The following PROM1 variants were observed in gnomAD, a reference collection of about 807,000 sequenced individuals.
PROM1 encodes prominin-1.
Under a neutral mutation model 116.9 loss-of-function variants are expected in PROM1, and 105 were observed. The ratio of observed to expected loss-of-function variants is 0.90; its 90% confidence interval spans 0.77 to 1.06. PROM1 has a LOEUF of 1.06. Ranked by LOEUF, PROM1 falls within the 50% of genes least tolerant of loss-of-function variation. The probability of loss-of-function intolerance (pLI) is 0.00; values close to 1 mark genes in which losing one functional copy is unlikely to be tolerated. For missense variants in PROM1, 1,122 were observed against 1,045.2 expected (o/e 1.07, Z -1.01); for synonymous variants, 393 against 387.0 (o/e 1.02, Z -0.18).
At chr4:16,044,626 T>C (rs191206040) in intron 2 of PROM1, among the ~76,000 whole-genome samples, 97 of 152,316 alleles carry the variant, frequency 6.4e-4, no homozygotes, top group African/African-American at 2.3e-3. Context: ...GTGAAAGAGA[T>C]TATTCATATT....
At chr4:16,061,319 A>G (rs1740262890) in intron 2 of PROM1, among the ~76,000 whole-genome samples, 1 of 152,222 alleles carries the variant, frequency 6.6e-6, no homozygotes, top group Non-Finnish European at 1.5e-5. Context: ...CCTGAGAGTA[A>G]GGGCTTCTTC....
intron 5 of PROM1, among the ~76,000 whole-genome samples, chr4:16,027,172 G>A (rs1254292876): frequency 6.6e-6 from 1 of 152,090 alleles, no homozygotes; most frequent in Non-Finnish European, 1.5e-5. Context: ...CTTATAATTT[G>A]TCCTAAATTT....
chr4:16,009,288 A>G (rs188737364), intron 11 of PROM1, among the ~76,000 whole-genome samples, 180 bp from the exon 12 acceptor site: 2 of 152,358 alleles, frequency 1.3e-5, no homozygotes, highest in East Asian at 3.8e-4. Context: ...AAAAGCAATT[A>G]CTTAACAAAA....
intron 2 of PROM1, among the ~76,000 whole-genome samples, chr4:16,039,616 T>C (rs982637610): frequency 6.6e-6 from 1 of 151,416 alleles, no homozygotes; most frequent in Non-Finnish European, 1.5e-5. Context: ...CGCATGCCTG[T>C]AATCCCAGCT....
At chr4:16,024,161 A>G (rs1420477562) in intron 7 of PROM1, 134 bp downstream of exon 7, 6 of 767,300 alleles carry the variant, frequency 7.8e-6, no homozygotes, top group Middle Eastern at 2.7e-4. Flanking sequence ...CAAATGACAC[A>G]TTGGCAATAA....
chr4:16,035,087 G>T (rs1210700870), intron 4 of PROM1, among the ~76,000 whole-genome samples: 1 of 152,098 alleles, frequency 6.6e-6, no homozygotes, highest in African/African-American at 2.4e-5. Flanking sequence ...GCTGAATCTT[G>T]CTGGGTTCAT....
At chr4:16,071,370 C>T (rs1307959687) in intron 2 of PROM1, among the ~76,000 whole-genome samples, 1 of 152,218 alleles carries the variant, frequency 6.6e-6, no homozygotes, top group Non-Finnish European at 1.5e-5. Flanking sequence ...TCCTCCAGCT[C>T]TGGTTCTCCC....
intron 24 of PROM1, 121 bp downstream of exon 24, chr4:15,980,301 A>G: frequency 4.6e-6 from 3 of 654,020 alleles, no homozygotes; most frequent in East Asian, 2.9e-5. Flanking sequence ...CCCAACTACT[A>G]CTAAAAAAAA....
chr4:16,043,802 C>T (rs897387169), intron 2 of PROM1, among the ~76,000 whole-genome samples: 32 of 152,312 alleles, frequency 2.1e-4, no homozygotes, highest in Non-Finnish European at 4.3e-4. Context: ...ATTGCTCTGT[C>T]CATAGCTCTG....
At chr4:16,035,868 C>T (rs906733818) in intron 3 of PROM1, 107 bp from the exon 4 acceptor site, 2 of 1,025,890 alleles carry the variant, frequency 1.9e-6, no homozygotes, top group Non-Finnish European at 3.0e-6. Context: ...CATTCATATC[C>T]CACAAGGAGG....
intron 1 of PROM1, among the ~76,000 whole-genome samples, chr4:16,081,241 G>A (rs1276376996): frequency 6.6e-6 from 1 of 151,990 alleles, no homozygotes; most frequent in Non-Finnish European, 1.5e-5. Flanking sequence ...AGGCCCCGGT[G>A]TGTGATGTTC....
intron 14 of PROM1, among the ~76,000 whole-genome samples, chr4:15,998,944 G>A (rs141869301): frequency 1.4e-4 from 22 of 152,146 alleles, no homozygotes; most frequent in African/African-American, 4.3e-4. Context: ...TGGCCAGGCT[G>A]ATCTTGAATT....
chr4:15,974,393 T>A (rs755578594), intron 26 of PROM1, among the ~76,000 whole-genome samples: 2 of 152,112 alleles, frequency 1.3e-5, no homozygotes, highest in African/African-American at 2.4e-5. Flanking sequence ...TATAATGGAC[T>A]AATTACAGTG....
At chr4:15,980,977 T>TTTATTTA (rs1379968582) in intron 23 of PROM1, among the ~76,000 whole-genome samples, 1 of 49,398 alleles carries the variant, frequency 2.0e-5, no homozygotes, top group African/African-American at 9.7e-5. Flanking sequence ...TTATTTATTA[T>TTTATTTA]TTTAGACAGA....
chr4:16,034,501 G>A (rs1560536282), intron 4 of PROM1, among the ~76,000 whole-genome samples: 3 of 152,058 alleles, frequency 2.0e-5, no homozygotes, highest in Non-Finnish European at 2.9e-5. Flanking sequence ...TGTCTCAGAC[G>A]GTTCCTGAGT....
intron 26 of PROM1, among the ~76,000 whole-genome samples, chr4:15,974,451 C>CA (rs960494147): frequency 3.8e-4 from 57 of 151,560 alleles, no homozygotes; most frequent in Admixed American, 9.9e-4. Flanking sequence ...AAAAAGAGAC[C>CA]AAAAAAAACT....
At chr4:16,062,272 T>A (rs1468699720) in intron 2 of PROM1, among the ~76,000 whole-genome samples, 1 of 152,124 alleles carries the variant, frequency 6.6e-6, no homozygotes, top group Non-Finnish European at 1.5e-5. Flanking sequence ...AGTAACTAAT[T>A]TCATCTGCGA....
chr4:16,010,678 G>A (rs949243300), intron 11 of PROM1, among the ~76,000 whole-genome samples: 2 of 151,610 alleles, frequency 1.3e-5, no homozygotes, highest in Non-Finnish European at 2.9e-5. Flanking sequence ...AATTTTTTAT[G>A]ATTTTACTTT....
rs141040054 is a variant in PROM1, at chr4:16,004,685, C to T, written c.1454+1853G>A. On this transcript the variant is annotated intron_variant, in intron 13 of 27. Transcript: ENST00000447510. ...ACTTTTACAGCAACCTAATAATCTT[C>T]TGTTTAATGTATTTTTGTGTATCTG... Among the ~76,000 whole-genome samples the T allele has an allele frequency of 3.3e-5, 5 of 152,250 alleles. No individual in the cohort carries two copies. In the East Asian group the frequency reaches 9.7e-4, roughly 29 times the overall value.
Sources: allele counts gnomAD v4.1 joint callset (sites outside exome capture counted in the v4.1 genomes callset), GRCh38; gene constraint gnomAD v4.1.1; transcripts MANE v1.5; gene names NCBI Gene and HGNC (gene_info 2026-07-23, HGNC 2026-07-21).